TRDMT1: variants seen among roughly 807,000 people sequenced by gnomAD.
TRDMT1 encodes tRNA aspartic acid methyltransferase 1, also known as tRNA (cytosine(38)-C(5))-methyltransferase.
In TRDMT1, 49 loss-of-function variants were observed where a neutral mutation model predicts 51.2. The ratio of observed to expected loss-of-function variants is 0.96; its 90% confidence interval spans 0.76 to 1.21. The LOEUF (loss-of-function observed/expected upper bound fraction) is 1.21, where lower values mean the gene tolerates loss of function less well. Among genes scored for constraint, TRDMT1 ranks in the 50% most tolerant of loss-of-function variants. The pLI, the probability that TRDMT1 is intolerant of heterozygous loss-of-function variation, is 0.00. For missense variants in TRDMT1, 534 were observed against 462.3 expected, an observed-to-expected ratio of 1.16 and a Z score of -1.42; for synonymous variants, 187 against 164.6, an observed-to-expected ratio of 1.14 and a Z score of -1.04.
Position 17,139,089 on chromosome 10 carries a change from A to G in TRDMT1, c.*9951T>C. 2 of 809,154 alleles carry G rather than the reference A, an allele frequency of 2.5e-6. No homozygotes were observed. Among genetic ancestry groups the G allele is most frequent in the Non-Finnish European group, 3.0e-6 (2 of 668,734 alleles). The allele number at this position is 809,154 out of a possible 1,614,324, so 50.1% of individuals were successfully genotyped here. ...TTCTCTACCTCCAACAGCTCCCGGAATGGGGACTTCAGCAGCTCCATTGGA... is the reference window on the plus strand; with the variant it reads ...TTCTCTACCTCCAACAGCTCCCGGAGTGGGGACTTCAGCAGCTCCATTGGA... On this transcript the variant is annotated 3_prime_UTR_variant, in exon 11 of 11. Coordinates refer to ENST00000377799, the MANE Select transcript of TRDMT1 (RefSeq NM_004412.7).
intron 1 of TRDMT1, among the ~76,000 whole-genome samples, chr10:17,183,713 G>A (rs931278322): frequency 1.3e-5 from 2 of 152,074 alleles, no homozygotes; most frequent in African/African-American, 4.8e-5. Flanking sequence ...CACCGCACCT[G>A]GCAAGAATGT....
Position 17,166,025 on chromosome 10 carries a change from A to G in TRDMT1, c.251+2816T>C, listed in dbSNP as rs549099811. On this transcript the variant is annotated intron_variant, in intron 3 of 10. Transcript: ENST00000377799. ...ACCCTGCCATCCCATTACTGGGTAT[A>G]TACCCAAAGGATTATAAATCGTGCT... Among the ~76,000 whole-genome samples the G allele has an allele frequency of 4.8e-4, 73 of 152,314 alleles. 1 individual carries two copies. In the East Asian group the frequency reaches 7.5e-3, roughly 16 times the overall value.
chr10:17,139,912 C>T lies in TRDMT1; in HGVS notation c.*9128G>A, dbSNP rs945144839. On this transcript the variant is annotated 3_prime_UTR_variant, in exon 11 of 11. Transcript: ENST00000377799. The stretch of plus-strand genomic sequence containing the variant: ...ATAGTGACTTGGACCATATTTGTTA[C>T]GGAAGTACTGCTAAATCAAGCTTTG... Among the ~76,000 whole-genome samples, 25 of 151,664 alleles carry T rather than the reference C, an allele frequency of 1.6e-4. No individual in the cohort carries two copies. Among genetic ancestry groups the T allele is most frequent in the Admixed American group, 1.1e-3 (17 of 15,210 alleles).
intron 1 of TRDMT1, among the ~76,000 whole-genome samples, chr10:17,181,717 T>A (rs12783490): frequency 0.27 from 40,466 of 152,040 alleles, 5,716 homozygotes; most frequent in Middle Eastern, 0.36. Context: ...CCAGGAAACC[T>A]ACAAAATTCT....
intron 6 of TRDMT1, 49 bp from the exon 7 acceptor site, chr10:17,159,278 G>C: frequency 7.3e-7 from 1 of 1,377,122 alleles, no homozygotes. Context: ...TAAAGAGAGC[G>C]GTACCAACTT....
At chr10:17,194,776 T>C (rs1845155591) in intron 1 of TRDMT1, among the ~76,000 whole-genome samples, 1 of 151,568 alleles carries the variant, frequency 6.6e-6, no homozygotes, top group South Asian at 2.1e-4. Flanking sequence ...CTACTAAAAA[T>C]ACAAAAATTA....
chr10:17,147,800 C>T lies in TRDMT1; in HGVS notation c.*1240G>A, dbSNP rs1352360769. 5.5e-6 allele frequency: 1 copy of T among 180,750 alleles called. No individual in the cohort carries two copies. The highest frequency in any genetic ancestry group is 1.1e-5 in the Non-Finnish European group (1 of 94,178). 11.2% of individuals were successfully genotyped at this position (180,750 alleles called of 1,614,324 possible). On this transcript the variant is annotated 3_prime_UTR_variant, in exon 11 of 11. Coordinates refer to ENST00000377799, the MANE Select transcript of TRDMT1 (RefSeq NM_004412.7). ...TGGTGTACAAATATCTGTTCAAGTCCCTGCTTTCAATTCTTTTGGATCTAT... is the reference window on the plus strand; with the variant it reads ...TGGTGTACAAATATCTGTTCAAGTCTCTGCTTTCAATTCTTTTGGATCTAT...
intron 1 of TRDMT1, among the ~76,000 whole-genome samples, chr10:17,188,151 A>G (rs10795457): frequency 0.42 from 63,299 of 151,162 alleles, 15,222 homozygotes; most frequent in South Asian, 0.57. Context: ...TGGGAAGGGA[A>G]AAGGGTATTT....
At chr10:17,169,563 G>C in intron 2 of TRDMT1, 1 of 1,283,446 alleles carries the variant, frequency 7.8e-7, no homozygotes, top group Non-Finnish European at 1.0e-6. Flanking sequence ...GACAAACACA[G>C]GGAAGCACAC....
intron 2 of TRDMT1, chr10:17,169,509 T>C (rs1287096991): frequency 1.6e-6 from 2 of 1,289,704 alleles, no homozygotes; most frequent in Non-Finnish European, 2.0e-6. Context: ...ATGGGCTAAG[T>C]AGCTGAAAAC....
intron 10 of TRDMT1, among the ~76,000 whole-genome samples, chr10:17,149,967 A>C (rs532656094): frequency 1.1e-3 from 165 of 152,294 alleles, no homozygotes; most frequent in African/African-American, 3.8e-3. Flanking sequence ...TTGTATAGAT[A>C]CGTATTTTCA....
rs1588674706 is a variant in TRDMT1 at position 17,141,379 on chromosome 10, C to G, written c.*7661G>C. On this transcript the variant is annotated 3_prime_UTR_variant, in exon 11 of 11. Transcript: ENST00000377799. ...GTTTCACCATGTTGGAAAGGATGGT[C>G]TCTATCTCCTGACCTTATGATCTGC... Among the ~76,000 whole-genome samples, 1 of 152,132 alleles carries G rather than the reference C, an allele frequency of 6.6e-6. No homozygotes were observed. The highest frequency in any genetic ancestry group is 2.1e-4 in the South Asian group (1 of 4,830).
chr10:17,151,995 T>C, intron 10 of TRDMT1: 4 of 1,296,070 alleles, frequency 3.1e-6, no homozygotes, highest in South Asian at 1.2e-5. Context: ...CCAAAGTGAC[T>C]ACTGCCCTTT....
At chr10:17,152,436 T>C (rs1433042298) in intron 10 of TRDMT1, among the ~76,000 whole-genome samples, 1 of 152,234 alleles carries the variant, frequency 6.6e-6, no homozygotes, top group East Asian at 1.9e-4. Context: ...ATCCATTATT[T>C]AGAATTTGAA....
intron 1 of TRDMT1, 102 bp downstream of exon 1, chr10:17,201,469 G>GTGTCCGCCCCACAA: frequency 3.1e-6 from 4 of 1,291,736 alleles, no homozygotes; most frequent in African/African-American, 1.5e-5. Flanking sequence ...CCGCCCCACA[G>GTGTCCGCCCCACAA]TGTCCGCCCC....
intron 1 of TRDMT1, among the ~76,000 whole-genome samples, chr10:17,199,848 T>C (rs1009535707): frequency 5.3e-5 from 8 of 152,284 alleles, no homozygotes; most frequent in African/African-American, 1.7e-4. Context: ...GAACTGGCAA[T>C]AGAAAAACGT....
chr10:17,186,176 T>G (rs1223242408), intron 1 of TRDMT1, among the ~76,000 whole-genome samples: 1 of 152,184 alleles, frequency 6.6e-6, no homozygotes, highest in Non-Finnish European at 1.5e-5. Context: ...AAAATTACTT[T>G]GGATTTTTTA....
chr10:17,170,045 C>G (rs571154017), intron 2 of TRDMT1, among the ~76,000 whole-genome samples: 1 of 152,136 alleles, frequency 6.6e-6, no homozygotes, highest in Non-Finnish European at 1.5e-5. Context: ...GGAATGATAA[C>G]AGCTAAATTC....
At chr10:17,177,180 T>TTTTATTTATTTAGTTA (rs1842721636) in intron 1 of TRDMT1, among the ~76,000 whole-genome samples, 2 of 141,542 alleles carry the variant, frequency 1.4e-5, no homozygotes, top group East Asian at 4.0e-4. Context: ...AACACATTTA[T>TTTTATTTATTTAGTTA]TTTATTTATT....
Sources: allele counts gnomAD v4.1 joint callset (sites outside exome capture counted in the v4.1 genomes callset), GRCh38; gene constraint gnomAD v4.1.1; transcripts MANE v1.5; gene names NCBI Gene and HGNC (gene_info 2026-07-23, HGNC 2026-07-21).